The following SRGAP3 variants were observed in gnomAD, a reference collection of about 807,000 sequenced individuals.
SRGAP3 encodes the protein SLIT-ROBO Rho GTPase-activating protein 3.
SRGAP3 carries 39 observed loss-of-function variants against 121.1 expected under a neutral mutation model. That is an observed-to-expected ratio of 0.32 (90% CI 0.25 to 0.42). The LOEUF is 0.42. SRGAP3 is among the 10% of genes least tolerant of loss of function. The pLI, the probability that SRGAP3 is intolerant of heterozygous loss-of-function variation, is 1.00. For missense variants in SRGAP3, 1,213 were observed against 1,470.6 expected (o/e 0.82, Z 2.86); for synonymous variants, 601 against 570.0 (o/e 1.05, Z -0.77).
At position 9,273,263 on chromosome 3, in the gene SRGAP3, CCTT is replaced by C. The variant is rs1203720542; in HGVS notation, n.442+52744_442+52746del. 2.0e-5 allele frequency among the ~76,000 whole-genome samples: 3 copies of C among 152,164 alleles called. No individual in the cohort carries two copies. The East Asian group carries it at 5.8e-4, about 29-fold the overall frequency. On this transcript the variant is annotated intron_variant and non_coding_transcript_variant, in intron 3 of 3. Coordinates refer to the SRGAP3 transcript ENST00000490889. Reference sequence around the variant, plus strand: ...GTAATGCTCACTCACCAGCCAGTCACCTTCTGCTCTGCGGCCCAGTTCCTAACA... The same window carrying C: ...GTAATGCTCACTCACCAGCCAGTCACCTGCTCTGCGGCCCAGTTCCTAACA...
chr3:8,992,713 C>T, intron 20 of SRGAP3, 193 bp downstream of exon 20: 1 of 838,246 alleles, frequency 1.2e-6, no homozygotes, highest in South Asian at 1.5e-5. Context: ...CTCCCTGCAA[C>T]ACAGGCTGGA....
intron 18 of SRGAP3, among the ~76,000 whole-genome samples, chr3:8,997,187 A>ACTCT (rs1942457808): frequency 6.6e-6 from 1 of 151,222 alleles, no homozygotes; most frequent in Non-Finnish European, 1.5e-5. Flanking sequence ...CCCCCTCATC[A>ACTCT]CTCTCCCACA....
chr3:9,136,149 G>T (rs1949638299), intron 1 of SRGAP3, among the ~76,000 whole-genome samples: 1 of 150,544 alleles, frequency 6.6e-6, no homozygotes, highest in Non-Finnish European at 1.5e-5. Context: ...TTCCCCGCCC[G>T]CCCTCCTCGC....
intron 3 of SRGAP3, among the ~76,000 whole-genome samples, chr3:9,088,752 CCAGTGTTGAAAACT>C (rs1475669685): frequency 2.0e-5 from 3 of 151,776 alleles, no homozygotes; most frequent in African/African-American, 7.3e-5. Flanking sequence ...GGATGCTTTC[CCAGTGTTGAAAACT>C]CAGGAAATTT....
intron 15 of SRGAP3, 25 bp from the exon 16 acceptor site, chr3:9,013,867 C>T (rs762869078): frequency 8.7e-6 from 14 of 1,605,600 alleles, no homozygotes; most frequent in South Asian, 2.2e-5. Context: ...GGCCTTTCAG[C>T]GTGCCTTTCA....
intron 9 of SRGAP3, among the ~76,000 whole-genome samples, chr3:9,049,904 G>A (rs953721459): frequency 6.6e-6 from 1 of 151,788 alleles, no homozygotes; most frequent in Admixed American, 6.6e-5. Flanking sequence ...GGGACTACAG[G>A]CACACGCCAG....
rs1183921734 is a variant in SRGAP3 at position 8,984,440 on chromosome 3, G to GA, written c.*1078dup. On this transcript the variant is annotated 3_prime_UTR_variant, in exon 22 of 22. Coordinates refer to ENST00000383836, the MANE Select transcript of SRGAP3 (RefSeq NM_014850.4). ...AGTATAATTAGTAGAACCAGGAAAAGAAAAAATTAAATAGTTTGAAAATGA... is the reference window on the plus strand; with the variant it reads ...AGTATAATTAGTAGAACCAGGAAAAGAAAAAAATTAAATAGTTTGAAAATGA... 2 of 231,672 alleles carry GA rather than the reference G, an allele frequency of 8.6e-6. No individual in the cohort carries two copies. The highest frequency in any genetic ancestry group is 1.7e-5 in the Non-Finnish European group (2 of 117,178). 14.4% of individuals were successfully genotyped at this position (231,672 alleles called of 1,614,324 possible).
In SRGAP3 at chr3:9,032,648, A is replaced by G; in HGVS notation, c.1539+2T>C. The G allele has an allele frequency of 6.2e-7, 1 of 1,613,394 alleles. No individual in the cohort carries two copies. ...CGGACTCCACGGCTCCCCAGCAAGT[A>G]CCTTAATGAATGCTTCCATACTGCC... is the stretch of plus-strand genomic sequence containing the variant. On this transcript the variant is annotated splice_donor_variant, in intron 12 of 21. Transcript: ENST00000383836. LOFTEE classifies it high-confidence loss of function.
chr3:9,155,076 T>G (rs1950366494), intron 1 of SRGAP3, among the ~76,000 whole-genome samples: 1 of 152,190 alleles, frequency 6.6e-6, no homozygotes, highest in Non-Finnish European at 1.5e-5. Flanking sequence ...TCCTTTAGTA[T>G]TTCTTTCAGC....
intron 1 of SRGAP3, among the ~76,000 whole-genome samples, chr3:9,133,441 G>A (rs763772745): frequency 1.3e-5 from 2 of 152,104 alleles, no homozygotes; most frequent in Non-Finnish European, 2.9e-5. Context: ...CTGAGATTGT[G>A]CCACTGCACT....
intron 1 of SRGAP3, among the ~76,000 whole-genome samples, chr3:9,209,379 T>A (rs561851151): frequency 6.6e-6 from 1 of 152,264 alleles, no homozygotes; most frequent in African/African-American, 2.4e-5. Flanking sequence ...AACAACCCAA[T>A]ACAAAATTAA....
chr3:9,084,020 C>T lies in SRGAP3; in HGVS notation c.424-3933G>A, dbSNP rs572905307. Among the ~76,000 whole-genome samples the T allele has an allele frequency of 1.8e-4, 27 of 152,304 alleles. No homozygotes were observed. The South Asian group carries it at 2.7e-3, about 15-fold the overall frequency. On this transcript the variant is annotated intron_variant, in intron 3 of 21. Coordinates refer to ENST00000383836, the MANE Select transcript of SRGAP3 (RefSeq NM_014850.4). Reference sequence around the variant, plus strand: ...TCCAAAGGTGAACTGTTCCCCCATCCCTTCAATTTTGGTCAATGCGATAGT... The same window carrying T: ...TCCAAAGGTGAACTGTTCCCCCATCTCTTCAATTTTGGTCAATGCGATAGT...
chr3:9,306,673 AT>A (rs910234537), intron 3 of SRGAP3, among the ~76,000 whole-genome samples: 2 of 152,154 alleles, frequency 1.3e-5, no homozygotes, highest in Non-Finnish European at 2.9e-5. Context: ...TAAATAGGAA[AT>A]CCCTTCCCCA....
At chr3:9,321,423 A>T (rs190249642) in intron 3 of SRGAP3, among the ~76,000 whole-genome samples, 1 of 152,072 alleles carries the variant, frequency 6.6e-6, no homozygotes, top group Admixed American at 6.5e-5. Context: ...CAAGGACAAA[A>T]CAGTGAATGG....
At chr3:9,257,697 C>CATTTTT (rs1491519262) in intron 3 of SRGAP3, among the ~76,000 whole-genome samples, 1 of 81,192 alleles carries the variant, frequency 1.2e-5, no homozygotes, top group Non-Finnish European at 2.9e-5. Context: ...CAAAATAGCT[C>CATTTTT]CTTTTTTTTT....
rs923302991 is a variant in SRGAP3, at chr3:8,983,637, T to A, written c.*1882A>T. On this transcript the variant is annotated 3_prime_UTR_variant, in exon 22 of 22. Transcript: ENST00000383836. ...TCCACTGCTCACTTCTGAAATGCCA[T>A]TGGGAGGTTTCAAAAAGAAGGGCTG... 4.3e-6 allele frequency: 1 copy of A among 231,428 alleles called. No individual in the cohort carries two copies. Among genetic ancestry groups the A allele is most frequent in the African/African-American group, 2.2e-5 (1 of 45,362 alleles). 14.3% of individuals were successfully genotyped at this position (231,428 alleles called of 1,614,324 possible).
At position 8,985,446 on chromosome 3, in the gene SRGAP3, G is replaced by C; in HGVS notation, c.*73C>G. 2 of 1,585,746 alleles carry C rather than the reference G, an allele frequency of 1.3e-6. No homozygotes were observed. Among genetic ancestry groups the C allele is most frequent in the East Asian group, 2.2e-5 (1 of 44,514 alleles). ...CAAGGCCAGGGTCACTGGGAAGCAC[G>C]TGGAAGCCACCAAGGCCACCCTGGG... On this transcript the variant is annotated 3_prime_UTR_variant, in exon 22 of 22. Transcript: ENST00000383836. The surrounding 1 kb of genome is among the most constrained non-coding windows in gnomAD (Gnocchi z 5.1).
intron 3 of SRGAP3, among the ~76,000 whole-genome samples, chr3:9,268,000 C>A (rs1242190870): frequency 1.3e-5 from 2 of 152,130 alleles, no homozygotes; most frequent in Non-Finnish European, 2.9e-5. Flanking sequence ...GCTGGGGAGA[C>A]CCCTGTGGAA....
chr3:9,029,784 G>T (rs1251836897), intron 12 of SRGAP3, among the ~76,000 whole-genome samples: 2 of 152,138 alleles, frequency 1.3e-5, no homozygotes, highest in African/African-American at 4.8e-5. Context: ...CATAGTAGGT[G>T]CACAGTATGA....
Sources: allele counts gnomAD v4.1 joint callset (sites outside exome capture counted in the v4.1 genomes callset), GRCh38; gene constraint gnomAD v4.1.1; non-coding constraint Gnocchi (gnomAD v3.1); transcripts MANE v1.5; gene names NCBI Gene and HGNC (gene_info 2026-07-23, HGNC 2026-07-21).